ITGBL1: variants seen among roughly 807,000 people sequenced by gnomAD.
ITGBL1 encodes integrin beta-like protein 1.
ITGBL1 carries 51 observed loss-of-function variants against 68.5 expected under a neutral mutation model. That is an observed-to-expected ratio of 0.74 (90% confidence interval 0.59 to 0.94). The LOEUF is 0.94. Ranked by LOEUF, ITGBL1 falls within the 40% of genes least tolerant of loss-of-function variation. ITGBL1 has a pLI of 0.00. For missense variants in ITGBL1, 649 were observed against 647.4 expected (o/e 1.00, Z -0.03); for synonymous variants, 209 against 227.3 (o/e 0.92, Z 0.72).
At chr13:101,702,783 T>C (rs2034165264) in intron 8 of ITGBL1, among the ~76,000 whole-genome samples, 1 of 152,168 alleles carries the variant, frequency 6.6e-6, no homozygotes, top group African/African-American at 2.4e-5. Flanking sequence ...GTACAACAGA[T>C]TCTCTGCCTT....
intron 2 of ITGBL1, among the ~76,000 whole-genome samples, chr13:101,539,050 CTTTT>C (rs35288585): frequency 3.0e-5 from 3 of 99,624 alleles, no homozygotes; most frequent in African/African-American, 1.2e-4. Flanking sequence ...TGTGCTGCTT[CTTTT>C]TTTTTTTTTT....
Position 101,575,531 on chromosome 13 carries a change from G to T in ITGBL1, c.571G>T (p.Glu191Ter). 1 of 1,612,182 alleles carries T rather than the reference G, an allele frequency of 6.2e-7. No homozygotes were observed. Among genetic ancestry groups the T allele is most frequent in the Non-Finnish European group, 8.5e-7 (1 of 1,178,622 alleles). ...TAGAGAATGCATAGACGATGAAACAGAAGAAATATGTGGAGGTATGTATAT... is the reference window on the plus strand; with the variant it reads ...TAGAGAATGCATAGACGATGAAACATAAGAAATATGTGGAGGTATGTATAT... Reference protein sequence around the residue: ...DDRECIDDETEEICGGHGKCY... With the variant: ...DDRECIDDET The change falls in exon 4 of 11, where the codon GAA becomes TAA. Residue 191 changes from glutamate to a stop codon, truncating the protein, a stop_gained. Coordinates refer to ENST00000376180, the MANE Select transcript of ITGBL1 (RefSeq NM_004791.3). LOFTEE classifies it high-confidence loss of function.
At chr13:101,717,702 A>G (rs1291671827), downstream of ITGBL1, 1 of 152,116 alleles carries the variant, frequency 6.6e-6, no homozygotes, top group Admixed American at 6.5e-5. Context: ...AAAGCTGTAA[A>G]AAAAATTTAA....
At chr13:101,647,408 A>G (rs2032595044) in intron 7 of ITGBL1, among the ~76,000 whole-genome samples, 1 of 152,200 alleles carries the variant, frequency 6.6e-6, no homozygotes, top group African/African-American at 2.4e-5. Context: ...TATGTGGTTC[A>G]GTTTCTTTTT....
At chr13:101,631,121 A>G (rs948521027) in intron 7 of ITGBL1, among the ~76,000 whole-genome samples, 1 of 152,192 alleles carries the variant, frequency 6.6e-6, no homozygotes, top group African/African-American at 2.4e-5. Flanking sequence ...TGTCCAACCA[A>G]TATTTCCTGA....
chr13:101,627,874 C>G (rs1362879463), intron 7 of ITGBL1, among the ~76,000 whole-genome samples: 1 of 152,158 alleles, frequency 6.6e-6, no homozygotes, highest in East Asian at 1.9e-4. Flanking sequence ...TGGTTGCTTC[C>G]AAGTTTCGGC....
At chr13:101,579,772 A>C (rs1398679265) in intron 5 of ITGBL1, among the ~76,000 whole-genome samples, 1 of 152,192 alleles carries the variant, frequency 6.6e-6, no homozygotes, top group Non-Finnish European at 1.5e-5. Flanking sequence ...TAACAGAACC[A>C]TCTACAGCAT....
chr13:101,682,661 C>G (rs1204658240), intron 7 of ITGBL1, among the ~76,000 whole-genome samples: 2 of 151,788 alleles, frequency 1.3e-5, no homozygotes, highest in African/African-American at 4.8e-5. Context: ...TTCTTTTGCT[C>G]ATTTATTATT....
intron 7 of ITGBL1, among the ~76,000 whole-genome samples, chr13:101,642,222 T>C (rs58936317): frequency 0.019 from 2,853 of 151,604 alleles, 101 homozygotes; most frequent in African/African-American, 0.066. Context: ...TCTCCAGCAC[T>C]TGTTGTTTCC....
At chr13:101,458,330 G>A (rs1477372296) in intron 2 of ITGBL1, among the ~76,000 whole-genome samples, 1 of 152,204 alleles carries the variant, frequency 6.6e-6, no homozygotes, top group Admixed American at 6.5e-5. Flanking sequence ...TCTGAGTAAG[G>A]AAAATCTTAA....
intron 2 of ITGBL1, among the ~76,000 whole-genome samples, chr13:101,471,422 T>A (rs2048455491): frequency 6.6e-6 from 1 of 152,206 alleles, no homozygotes; most frequent in African/African-American, 2.4e-5. Context: ...AGATTTTCTC[T>A]TAGGTCTTTG....
At chr13:101,663,079 C>T (rs1191434594) in intron 7 of ITGBL1, among the ~76,000 whole-genome samples, 1 of 151,978 alleles carries the variant, frequency 6.6e-6, no homozygotes, top group Non-Finnish European at 1.5e-5. Context: ...TTGAAGGGAA[C>T]CACAAGCAGC....
intron 2 of ITGBL1, among the ~76,000 whole-genome samples, chr13:101,562,518 T>C (rs2050116768): frequency 6.6e-6 from 1 of 152,002 alleles, no homozygotes; most frequent in Non-Finnish European, 1.5e-5. Context: ...AAATGAATAC[T>C]GGATCAACTA....
chr13:101,652,629 T>C (rs945561056), intron 7 of ITGBL1, among the ~76,000 whole-genome samples: 9 of 152,162 alleles, frequency 5.9e-5, no homozygotes, highest in Middle Eastern at 3.2e-3. Context: ...AATGAAGGTG[T>C]CAGTGAATAT....
intron 8 of ITGBL1, among the ~76,000 whole-genome samples, chr13:101,693,624 G>GTCTATCTATCTATCTA (rs71125018): frequency 8.5e-4 from 124 of 146,188 alleles, no homozygotes; most frequent in Admixed American, 2.8e-3. Context: ...CTGTCTGTCT[G>GTCTATCTATCTATCTA]TCTATCTATC....
Position 101,679,471 on chromosome 13 carries a change from A to C in ITGBL1, c.1016-13114A>C, listed in dbSNP as rs115723411. ...GAAAGCAGGGCACTGCCTGATGACC[A>C]ATCAATGGGTTTTGCCAGCTAGAAA... On this transcript the variant is annotated intron_variant, in intron 7 of 10. Transcript: ENST00000376180. Among the ~76,000 whole-genome samples the C allele has an allele frequency of 7.2e-3, 1,101 of 152,292 alleles. 8 individuals are homozygous for C. Among genetic ancestry groups the C allele is most frequent in the African/African-American group, 0.025 (1,030 of 41,552 alleles).
At position 101,672,500 on chromosome 13, in the gene ITGBL1, G is replaced by A. The variant is rs573040445; in HGVS notation, c.1016-20085G>A. Among the ~76,000 whole-genome samples, 86 of 152,254 alleles carry A rather than the reference G, an allele frequency of 5.6e-4. 1 individual carries two copies. In the South Asian group the frequency reaches 0.017, roughly 30 times the overall value. On this transcript the variant is annotated intron_variant, in intron 7 of 10. Coordinates refer to ENST00000376180, the MANE Select transcript of ITGBL1 (RefSeq NM_004791.3). ...TCCATCCTCTCTTTGCCAGCCACAC[G>A]TACAGTAAGGAGCAGACAAGATGGT...
chr13:101,664,441 A>G (rs897955187), intron 7 of ITGBL1, among the ~76,000 whole-genome samples: 8 of 152,150 alleles, frequency 5.3e-5, no homozygotes, highest in Non-Finnish European at 1.0e-4. Flanking sequence ...AAAGGCAGCA[A>G]TAGCTTTCTG....
chr13:101,595,187 C>G (rs898754463), intron 6 of ITGBL1, among the ~76,000 whole-genome samples: 1 of 152,154 alleles, frequency 6.6e-6, no homozygotes, highest in Non-Finnish European at 1.5e-5. Context: ...GGTGAGGTCT[C>G]AGGAAGCTTC....
Sources: gnomAD v4.1 joint callset for allele counts (sites outside exome capture counted in the v4.1 genomes callset) on GRCh38, gnomAD v4.1.1 for gene constraint, MANE v1.5 for transcripts, NCBI Gene and HGNC (gene_info 2026-07-23, HGNC 2026-07-21) for gene names.